The following PTPRK variants were observed in gnomAD, a reference collection of about 807,000 sequenced individuals.
PTPRK encodes the protein protein tyrosine phosphatase receptor type K.
A neutral mutation model predicts 178.0 loss-of-function variants in PTPRK; 75 were observed. That is an observed-to-expected ratio of 0.42 (90% confidence interval 0.35 to 0.51). The LOEUF (loss-of-function observed/expected upper bound fraction) is 0.51. Ranked by LOEUF, PTPRK falls within the 20% of genes least tolerant of loss-of-function variation. The pLI is 0.02. For missense variants in PTPRK, 1,441 were observed against 1,797.8 expected (o/e 0.80, Z 3.59); for synonymous variants, 637 against 620.6 (o/e 1.03, Z -0.39).
At chr6:127,987,924 T>C (rs561049871) in intron 21 of PTPRK, among the ~76,000 whole-genome samples, 1 of 152,278 alleles carries the variant, frequency 6.6e-6, no homozygotes, top group South Asian at 2.1e-4. Flanking sequence ...AGAGTATTAC[T>C]ATAAATATTT....
At chr6:128,495,278 C>G (rs968938873) in intron 1 of PTPRK, among the ~76,000 whole-genome samples, 1 of 152,226 alleles carries the variant, frequency 6.6e-6, no homozygotes, top group South Asian at 2.1e-4. Context: ...TTTTAAATGA[C>G]TACATTTTAA....
Position 127,969,483 on chromosome 6 carries a change from A to C in PTPRK, c.*744T>G, listed in dbSNP as rs1164252119. Reference sequence around the variant, plus strand: ...ATCTTCTACTTACACTAAAACATACAAAAAATAATCTACAAAAATCGTTTA... The same window carrying C: ...ATCTTCTACTTACACTAAAACATACCAAAAATAATCTACAAAAATCGTTTA... On this transcript the variant is annotated 3_prime_UTR_variant, in exon 30 of 30. Transcript: ENST00000368226. 1 of 152,192 alleles carries C rather than the reference A, an allele frequency of 6.6e-6. No homozygotes were observed. Among genetic ancestry groups the C allele is most frequent in the Non-Finnish European group, 1.5e-5 (1 of 68,020 alleles). 9.4% of individuals were successfully genotyped at this position (152,192 alleles called of 1,614,324 possible). A position where few individuals can be genotyped will look rare whatever the true frequency, so the allele number is the denominator to read the frequency against.
intron 1 of PTPRK, among the ~76,000 whole-genome samples, chr6:128,486,949 A>G: frequency 6.6e-6 from 1 of 151,808 alleles, no homozygotes; most frequent in Non-Finnish European, 1.5e-5. Flanking sequence ...TTCAACTGAA[A>G]CTAGCTCAGA....
At position 128,206,214 on chromosome 6, in the gene PTPRK, ATAT is replaced by A. The variant is rs568548290; in HGVS notation, c.868+12705_868+12707del. ...ATAGGGTTTTTATGTCAATAATAAA[ATAT>A]TATTATTTAAAGTGACTTAAAGAGA... On this transcript the variant is annotated intron_variant, in intron 6 of 29. Transcript: ENST00000368226. Among the ~76,000 whole-genome samples, 523 of 152,056 alleles carry A rather than the reference ATAT, an allele frequency of 3.4e-3. 2 individuals carry two copies. The highest frequency in any genetic ancestry group is 0.012 in the African/African-American group (485 of 41,518).
chr6:128,134,662 T>C (rs963731339), intron 7 of PTPRK, among the ~76,000 whole-genome samples: 20 of 152,178 alleles, frequency 1.3e-4, no homozygotes, highest in African/African-American at 4.1e-4. Flanking sequence ...AATACCAACA[T>C]TAGCCAGGCA....
chr6:128,219,294 A>G (rs1260525139), intron 5 of PTPRK, among the ~76,000 whole-genome samples, 198 bp from the exon 6 acceptor site: 1 of 152,152 alleles, frequency 6.6e-6, no homozygotes, highest in Non-Finnish European at 1.5e-5. Context: ...TTCGGCACAA[A>G]AGACCAGTTT....
intron 1 of PTPRK, among the ~76,000 whole-genome samples, chr6:128,472,966 A>G (rs1850894981): frequency 6.6e-6 from 1 of 152,098 alleles, no homozygotes; most frequent in Admixed American, 6.6e-5. Context: ...AAATTCTAAA[A>G]TATGTATTTC....
At chr6:127,991,483 T>A in intron 19 of PTPRK, 92 bp from the exon 20 acceptor site, 1 of 884,930 alleles carries the variant, frequency 1.1e-6, no homozygotes, top group Non-Finnish European at 1.6e-6. Context: ...GTAAACTAAG[T>A]AATTCCAAAA....
intron 2 of PTPRK, 115 bp downstream of exon 2, chr6:128,397,451 C>G: frequency 7.8e-7 from 1 of 1,290,162 alleles, no homozygotes. Context: ...GATCCAGTAG[C>G]ACAATAATTT....
intron 7 of PTPRK, among the ~76,000 whole-genome samples, chr6:128,169,769 A>G (rs1799959212): frequency 1.4e-5 from 2 of 139,944 alleles, no homozygotes. Context: ...CCACTTAAAT[A>G]TGTTATTTTT....
chr6:128,264,086 C>G (rs1029378598), intron 3 of PTPRK, among the ~76,000 whole-genome samples: 2 of 152,072 alleles, frequency 1.3e-5, no homozygotes, highest in African/African-American at 4.8e-5. Flanking sequence ...GGCAGCAAAG[C>G]TAAAACATGA....
Position 128,089,984 on chromosome 6 carries a change from T to A in PTPRK, c.1171A>T (p.Arg391Ter). 6.3e-7 allele frequency: 1 copy of A among 1,599,348 alleles called. No individual in the cohort carries two copies. The highest frequency in any genetic ancestry group is 8.6e-7 in the Non-Finnish European group (1 of 1,166,888). Residue 391 changes from arginine (R) to a stop codon, truncating the protein, a stop_gained, in exon 8 of 30, where the codon AGA (arginine) becomes TGA (stop). Coordinates refer to ENST00000368226, the MANE Select transcript of PTPRK (RefSeq NM_002844.4). LOFTEE classifies it high-confidence loss of function. ...GCAATCTTTAATGTCTTTGGGGTTC[T>A]CATAGGTTCTGAAAAATAAATCAGA... is the stretch of plus-strand genomic sequence containing the variant. ...ITRTKCAEPM[R>*]TPKTLKIAEI...
chr6:128,507,770 T>C (rs1856584205), intron 1 of PTPRK, among the ~76,000 whole-genome samples: 2 of 152,116 alleles, frequency 1.3e-5, no homozygotes, highest in South Asian at 4.1e-4. Context: ...CACATTGACA[T>C]ACACTGTAGT....
At chr6:128,170,485 C>T (rs898078695) in intron 7 of PTPRK, among the ~76,000 whole-genome samples, 7 of 151,974 alleles carry the variant, frequency 4.6e-5, no homozygotes, top group Admixed American at 6.6e-5. Context: ...TTTGAACTTG[C>T]ACTTTCTAAA....
At chr6:128,417,719 C>T (rs1005077151) in intron 1 of PTPRK, among the ~76,000 whole-genome samples, 3 of 152,190 alleles carry the variant, frequency 2.0e-5, no homozygotes, top group African/African-American at 7.2e-5. Flanking sequence ...TTTTGTCACT[C>T]AGTATCTCTT....
rs934822645 is a variant in PTPRK, at chr6:127,970,178, A to G, written c.*49T>C. 2 of 1,471,568 alleles carry G rather than the reference A, an allele frequency of 1.4e-6. No individual in the cohort carries two copies. Among genetic ancestry groups the G allele is most frequent in the Non-Finnish European group, 1.9e-6 (2 of 1,062,634 alleles). 91.2% of individuals were successfully genotyped at this position (1,471,568 alleles called of 1,614,324 possible). ...AACAGGTACAACAGCTGCTGGCTCA[A>G]TAGATGGACAGGTTTCTTCATGGAT... On this transcript the variant is annotated 3_prime_UTR_variant, in exon 30 of 30. Transcript: ENST00000368226.
At chr6:128,263,137 T>A (rs758119698) in intron 3 of PTPRK, among the ~76,000 whole-genome samples, 1 of 152,102 alleles carries the variant, frequency 6.6e-6, no homozygotes, top group African/African-American at 2.4e-5. Flanking sequence ...TGTAGAAGAA[T>A]CAGTCAAGAC....
intron 7 of PTPRK, among the ~76,000 whole-genome samples, chr6:128,125,670 C>T (rs1178814770): frequency 7.9e-6 from 1 of 126,214 alleles, no homozygotes; most frequent in Non-Finnish European, 1.6e-5. Flanking sequence ...AGTGCAGTAG[C>T]TCAATCTTGG....
chr6:128,237,609 T>C (rs1813529164), intron 5 of PTPRK, among the ~76,000 whole-genome samples: 1 of 152,150 alleles, frequency 6.6e-6, no homozygotes, highest in Non-Finnish European at 1.5e-5. Context: ...CTTTTATAAA[T>C]AAGCAAATTG....
Sources: gnomAD v4.1 joint callset for allele counts (sites outside exome capture counted in the v4.1 genomes callset) on GRCh38, gnomAD v4.1.1 for gene constraint, MANE v1.5 for transcripts, NCBI Gene and HGNC (gene_info 2026-07-23, HGNC 2026-07-21) for gene names.